Variants in CPEB1 observed in about 807,000 individuals in gnomAD.
CPEB1 encodes the protein cytoplasmic polyadenylation element-binding protein 1.
Under a neutral mutation model 65.8 loss-of-function variants are expected in CPEB1, and 7 were observed. The observed-to-expected ratio is 0.11, with a 90% CI of 0.06 to 0.20. The LOEUF is 0.20. Ranked by LOEUF, CPEB1 falls within the 10% of genes least tolerant of loss-of-function variation. The probability of loss-of-function intolerance (pLI) is 1.00; values close to 1 mark genes in which losing one functional copy is unlikely to be tolerated. For missense variants in CPEB1, 551 were observed against 712.2 expected, an observed-to-expected ratio of 0.77 and a Z score of 2.58; for synonymous variants, 262 against 260.0, an observed-to-expected ratio of 1.01 and a Z score of -0.08.
At chr15:82,571,294 C>A in intron 4 of CPEB1, 50 bp downstream of exon 4, 1 of 1,573,282 alleles carries the variant, frequency 6.4e-7, no homozygotes, top group Non-Finnish European at 8.6e-7. Context: ...TCTTCGTTCA[C>A]CACCCCCATG....
intron 3 of CPEB1, among the ~76,000 whole-genome samples, chr15:82,579,212 A>G (rs2040977251): frequency 6.6e-6 from 1 of 152,296 alleles, no homozygotes; most frequent in East Asian, 1.9e-4. Flanking sequence ...CTGTAATCCC[A>G]ACACTTTAGG....
At chr15:82,646,463 G>A (rs1207025427) in intron 1 of CPEB1, among the ~76,000 whole-genome samples, 1 of 152,122 alleles carries the variant, frequency 6.6e-6, no homozygotes, top group Admixed American at 6.5e-5. Context: ...CGGGGCGGGG[G>A]AGGAGAGACG....
intron 10 of CPEB1, among the ~76,000 whole-genome samples, chr15:82,547,696 A>G (rs779212315): frequency 4.0e-5 from 6 of 151,856 alleles, no homozygotes; most frequent in Non-Finnish European, 8.8e-5. Context: ...TTTTTGAGAC[A>G]GGGTCTCCCT....
At chr15:82,557,347 A>C (rs1030295906) in intron 5 of CPEB1, among the ~76,000 whole-genome samples, 1 of 152,332 alleles carries the variant, frequency 6.6e-6, no homozygotes, top group Non-Finnish European at 1.5e-5. Context: ...ACTACTTAAA[A>C]ATTTTTTACG....
At position 82,546,419 on chromosome 15, in the gene CPEB1, A is replaced by C. The variant is rs775055187; in HGVS notation, c.1656+22T>G. On this transcript the variant is annotated intron_variant, in intron 12 of 12. Coordinates refer to ENST00000684509, the MANE Select transcript of CPEB1 (RefSeq NM_001365242.1). ...CAACAATTTTTAATAGAGGGCAGGG[A>C]CTTCATAGACATCGGACCCACCTGA... 7 of 1,596,698 alleles carry C rather than the reference A, an allele frequency of 4.4e-6. No individual in the cohort carries two copies. The East Asian group carries it at 1.6e-4, about 36-fold the overall frequency.
chr15:82,567,447 G>A (rs957148109), intron 4 of CPEB1, among the ~76,000 whole-genome samples: 4 of 151,778 alleles, frequency 2.6e-5, no homozygotes, highest in South Asian at 2.1e-4. Context: ...GACCCACCTG[G>A]CCAAGATGGT....
At chr15:82,554,044 C>T (rs913767428) in intron 6 of CPEB1, 53 bp from the exon 7 acceptor site, 1 of 1,113,530 alleles carries the variant, frequency 9.0e-7, no homozygotes, top group African/African-American at 1.6e-5. Context: ...TCAACAAAGC[C>T]ACACTCTTCC....
upstream of CPEB1, chr15:82,648,011 C>G: frequency 1.7e-6 from 1 of 604,490 alleles, no homozygotes; most frequent in Non-Finnish European, 2.4e-6. Context: ...CTACGAGCCG[C>G]TCCTCGGAGC....
intron 2 of CPEB1, among the ~76,000 whole-genome samples, chr15:82,627,904 C>G (rs936262641): frequency 6.6e-6 from 1 of 152,032 alleles, no homozygotes; most frequent in African/African-American, 2.4e-5. Context: ...GAACAAGGTA[C>G]TCAGAAGTTC....
intron 3 of CPEB1, among the ~76,000 whole-genome samples, chr15:82,624,549 G>A (rs1005085106): frequency 1.1e-4 from 16 of 152,176 alleles, no homozygotes; most frequent in Non-Finnish European, 1.5e-5. Flanking sequence ...TGAAGAGCCC[G>A]AGAAGTCTTT....
chr15:82,584,301 C>T (rs1479714221), intron 3 of CPEB1, among the ~76,000 whole-genome samples: 2 of 128,542 alleles, frequency 1.6e-5, no homozygotes, highest in African/African-American at 2.9e-5. Context: ...TTCAGTTAAA[C>T]ATCACTGAAC....
intron 4 of CPEB1, among the ~76,000 whole-genome samples, chr15:82,568,905 C>T (rs1292781296): frequency 6.6e-6 from 1 of 152,150 alleles, no homozygotes; most frequent in Non-Finnish European, 1.5e-5. Context: ...TTGCTCATTA[C>T]TTAAGAGTGG....
intron 3 of CPEB1, among the ~76,000 whole-genome samples, chr15:82,618,595 T>C (rs922105765): frequency 7.2e-5 from 11 of 152,100 alleles, no homozygotes; most frequent in African/African-American, 2.4e-4. Context: ...TCAAACAATT[T>C]GCACATAAGA....
At chr15:82,546,559 C>T in intron 11 of CPEB1, 38 bp from the exon 12 acceptor site, 2 of 1,527,996 alleles carry the variant, frequency 1.3e-6, no homozygotes, top group East Asian at 2.3e-5. Flanking sequence ...AGTGGCTCTT[C>T]TTACCAGGAG....
At chr15:82,634,060 G>A (rs920403223) in intron 1 of CPEB1, among the ~76,000 whole-genome samples, 1 of 151,990 alleles carries the variant, frequency 6.6e-6, no homozygotes, top group African/African-American at 2.4e-5. Flanking sequence ...TACTTTTAGT[G>A]GCAGATGTCC....
At chr15:82,547,072 C>A in intron 11 of CPEB1, 71 bp downstream of exon 11, 1 of 1,033,282 alleles carries the variant, frequency 9.7e-7, no homozygotes, top group Non-Finnish European at 1.5e-6. Flanking sequence ...GGTCTCAGGC[C>A]TGCCCTGGGT....
intron 3 of CPEB1, chr15:82,573,079 C>T (rs751749604): frequency 7.8e-6 from 12 of 1,535,468 alleles, no homozygotes; most frequent in South Asian, 5.9e-5. Flanking sequence ...CAAGCAGATA[C>T]GGGAAGCATG....
rs1429230757 is a variant in CPEB1 at position 82,544,323 on chromosome 15, C to G, written c.*269G>C. On this transcript the variant is annotated 3_prime_UTR_variant, in exon 13 of 13. Transcript: ENST00000684509. ...CGCTTTTCATCTGCAAAATGAGGAA[C>G]TAAAATCTGGGAAAACTACAGAGTC... The G allele has an allele frequency of 9.6e-6, 2 of 209,368 alleles. No homozygotes were observed. The highest frequency in any genetic ancestry group is 2.0e-4 in the South Asian group (1 of 4,988). The allele number at this position is 209,368 out of a possible 1,614,324, so 13.0% of individuals were successfully genotyped here.
intron 3 of CPEB1, among the ~76,000 whole-genome samples, chr15:82,603,250 T>C (rs1035600466): frequency 2.9e-4 from 44 of 152,136 alleles, no homozygotes; most frequent in African/African-American, 1.1e-3. Flanking sequence ...TTGTCATTAC[T>C]TGACCTTTTA....
Sources: allele counts gnomAD v4.1 joint callset (sites outside exome capture counted in the v4.1 genomes callset), GRCh38; gene constraint gnomAD v4.1.1; transcripts MANE v1.5; gene names NCBI Gene and HGNC (gene_info 2026-07-23, HGNC 2026-07-21).